Variants in XRCC4 observed in about 807,000 individuals in gnomAD.
The protein encoded by XRCC4 is DNA repair protein XRCC4.
XRCC4 carries 28 observed loss-of-function variants against 39.1 expected under a neutral mutation model. The ratio of observed to expected loss-of-function variants is 0.72; its 90% CI spans 0.53 to 0.98. The LOEUF is 0.98. Ranked by LOEUF, XRCC4 falls within the 50% of genes least tolerant of loss-of-function variation. XRCC4 has a pLI of 0.00. For synonymous variants in XRCC4, 123 were observed against 126.4 expected, an observed-to-expected ratio of 0.97 and a Z score of 0.18; for missense variants, 350 against 376.4, an observed-to-expected ratio of 0.93 and a Z score of 0.58.
At chr5:83,094,438 TTTC>T (rs1488680549) in intron 1 of XRCC4, among the ~76,000 whole-genome samples, 12 of 148,570 alleles carry the variant, frequency 8.1e-5, no homozygotes, top group Admixed American at 6.7e-4. Flanking sequence ...CTTTCCTCTT[TTTC>T]TTTTTTTCTT....
chr5:83,144,936 C>T (rs1261145217), intron 3 of XRCC4, among the ~76,000 whole-genome samples: 1 of 152,132 alleles, frequency 6.6e-6, no homozygotes, highest in Non-Finnish European at 1.5e-5. Context: ...CACTCTGTTG[C>T]CCAGGCTGGA....
chr5:83,278,494 AT>A (rs1459157919), intron 7 of XRCC4, among the ~76,000 whole-genome samples: 1 of 152,176 alleles, frequency 6.6e-6, no homozygotes, highest in African/African-American at 2.4e-5. Flanking sequence ...AGGTTCTGGC[AT>A]TGTGTCTGAT....
chr5:83,359,270 C>T, the XRCC4 span, among the ~76,000 whole-genome samples: 2 of 152,062 alleles, frequency 1.3e-5, no homozygotes, highest in East Asian at 3.9e-4. Context: ...TGATATAGGG[C>T]TCAGAGGAGT....
chr5:83,220,141 C>A, intron 6 of XRCC4, among the ~76,000 whole-genome samples: 1 of 152,130 alleles, frequency 6.6e-6, no homozygotes, highest in South Asian at 2.1e-4. Context: ...TACTTTACTA[C>A]AATTAATCAA....
chr5:83,126,552 G>C (rs1449906434), intron 3 of XRCC4, among the ~76,000 whole-genome samples: 1 of 152,140 alleles, frequency 6.6e-6, no homozygotes, highest in Non-Finnish European at 1.5e-5. Context: ...TGGGGATGGG[G>C]CTGCCACAGA....
At chr5:83,365,337 T>A in the XRCC4 span, among the ~76,000 whole-genome samples, 4 of 152,268 alleles carry the variant, frequency 2.6e-5, no homozygotes, top group South Asian at 8.3e-4. Flanking sequence ...GGGAATTAGA[T>A]GTGGAAATGC....
intron 7 of XRCC4, among the ~76,000 whole-genome samples, chr5:83,289,444 G>C (rs1754841268): frequency 6.6e-6 from 1 of 151,844 alleles, no homozygotes; most frequent in Admixed American, 6.6e-5. Context: ...GTTTGTTGTA[G>C]CTGTAGGTGT....
At chr5:83,245,971 G>T (rs905210189) in intron 6 of XRCC4, among the ~76,000 whole-genome samples, 1 of 151,602 alleles carries the variant, frequency 6.6e-6, no homozygotes, top group African/African-American at 2.4e-5. Context: ...TTTCATCCTT[G>T]TTTTTCTATA....
At chr5:83,356,616 G>GT (rs200215862), downstream of XRCC4, 1,051 of 333,320 alleles carry the variant, frequency 3.2e-3, 17 homozygotes, top group South Asian at 0.023. Context: ...TGAAGACGTG[G>GT]TTTTTTATAT....
At chr5:83,288,414 T>TATC (rs1754805743) in intron 7 of XRCC4, among the ~76,000 whole-genome samples, 1 of 151,982 alleles carries the variant, frequency 6.6e-6, no homozygotes, top group African/African-American at 2.4e-5. Context: ...CTTTCACTTC[T>TATC]ATCAGTTTTG....
intron 7 of XRCC4, among the ~76,000 whole-genome samples, chr5:83,331,816 G>A (rs1169998715): frequency 6.6e-6 from 1 of 152,018 alleles, no homozygotes; most frequent in Non-Finnish European, 1.5e-5. Flanking sequence ...AAAGATAATT[G>A]ACTGAAAAAA....
chr5:83,170,473 G>A (rs1749672133), intron 3 of XRCC4, among the ~76,000 whole-genome samples: 1 of 152,168 alleles, frequency 6.6e-6, no homozygotes, highest in African/African-American at 2.4e-5. Context: ...TCACAAGGCT[G>A]AAATCAAAGT....
At chr5:83,104,748 G>A (rs938866278) in intron 1 of XRCC4, among the ~76,000 whole-genome samples, 162 bp from the exon 2 acceptor site, 3 of 152,150 alleles carry the variant, frequency 2.0e-5, no homozygotes, top group Admixed American at 2.0e-4. Flanking sequence ...ATTATTTACT[G>A]AATTTAATGG....
chr5:83,362,316 A>AAAAAAAAAAAAAAAAAAAAAAAAAAAC, the XRCC4 span, among the ~76,000 whole-genome samples: 5 of 145,948 alleles, frequency 3.4e-5, no homozygotes, highest in African/African-American at 1.4e-4. Context: ...AAAAAAAAAA[A>AAAAAAAAAAAAAAAAAAAAAAAAAAAC]AACTATCTCA....
chr5:83,274,825 T>C (rs959367535), intron 7 of XRCC4, among the ~76,000 whole-genome samples: 1 of 152,140 alleles, frequency 6.6e-6, no homozygotes, highest in African/African-American at 2.4e-5. Flanking sequence ...GAAATAAGCT[T>C]TGAGGGCCAA....
chr5:83,315,184 A>C (rs1476554382), intron 7 of XRCC4, among the ~76,000 whole-genome samples: 2 of 152,156 alleles, frequency 1.3e-5, no homozygotes, highest in East Asian at 1.9e-4. Context: ...AACCAGCCCC[A>C]AAATTCCTAT....
At chr5:83,232,077 A>G (rs893045028) in intron 6 of XRCC4, among the ~76,000 whole-genome samples, 6 of 152,008 alleles carry the variant, frequency 3.9e-5, no homozygotes, top group African/African-American at 1.4e-4. Flanking sequence ...GTCCCTCGTT[A>G]TTCTTCTCTT....
chr5:83,138,072 A>T (rs1223157176), intron 3 of XRCC4, among the ~76,000 whole-genome samples: 2 of 152,090 alleles, frequency 1.3e-5, no homozygotes, highest in African/African-American at 4.8e-5. Flanking sequence ...AATAATGCTA[A>T]CTCACAGGGT....
the XRCC4 span, among the ~76,000 whole-genome samples, chr5:83,363,071 G>T: frequency 6.6e-6 from 1 of 152,166 alleles, no homozygotes; most frequent in East Asian, 1.9e-4. Flanking sequence ...AAGATACGTG[G>T]TAAGTGCTGT....
Sources: gnomAD v4.1 joint callset for allele counts (sites outside exome capture counted in the v4.1 genomes callset) on GRCh38, gnomAD v4.1.1 for gene constraint, MANE v1.5 for transcripts, NCBI Gene and HGNC (gene_info 2026-07-23, HGNC 2026-07-21) for gene names.